Variants in DSTN observed in about 807,000 individuals in gnomAD.
DSTN encodes the protein destrin, actin depolymerizing factor.
DSTN carries 10 observed loss-of-function variants against 16.8 expected under a neutral mutation model. The ratio of observed to expected loss-of-function variants is 0.60; its 90% CI spans 0.37 to 1.01. The LOEUF is 1.01. Ranked by LOEUF, DSTN falls within the 50% of genes least tolerant of loss-of-function variation. DSTN has a pLI of 0.01. For synonymous variants in DSTN, 57 were observed against 58.9 expected, an observed-to-expected ratio of 0.97 and a Z score of 0.14; for missense variants, 141 against 196.7, an observed-to-expected ratio of 0.72 and a Z score of 1.69.
At chr20:17,593,336 A>G (rs1028933916) in intron 1 of DSTN, among the ~76,000 whole-genome samples, 3 of 152,198 alleles carry the variant, frequency 2.0e-5, no homozygotes, top group African/African-American at 7.2e-5. Context: ...TATCTTCTCC[A>G]TAAGTCAAAC....
intron 1 of DSTN, among the ~76,000 whole-genome samples, chr20:17,596,290 G>T (rs1246076122): frequency 6.6e-6 from 1 of 152,088 alleles, no homozygotes. Context: ...GCTGCTTAAT[G>T]TTGGTGACCC....
intron 1 of DSTN, among the ~76,000 whole-genome samples, chr20:17,590,838 G>C (rs2035461344): frequency 6.6e-6 from 1 of 152,208 alleles, no homozygotes; most frequent in South Asian, 2.1e-4. Flanking sequence ...TGGGCATGGT[G>C]GCTCACACCT....
At chr20:17,570,494 C>G (rs1051323676) in intron 1 of DSTN, among the ~76,000 whole-genome samples, 1 of 152,212 alleles carries the variant, frequency 6.6e-6, no homozygotes, top group African/African-American at 2.4e-5. Context: ...TGTCTCCAGA[C>G]CCGGCCTTGC....
chr20:17,604,024 T>G (rs2035614154), intron 2 of DSTN, among the ~76,000 whole-genome samples: 1 of 152,200 alleles, frequency 6.6e-6, no homozygotes, highest in Admixed American at 6.5e-5. Flanking sequence ...AGTTTTTGAT[T>G]TATTCTTTTT....
At chr20:17,587,368 G>C (rs1222531443) in intron 1 of DSTN, among the ~76,000 whole-genome samples, 1 of 152,158 alleles carries the variant, frequency 6.6e-6, no homozygotes, top group Non-Finnish European at 1.5e-5. Flanking sequence ...CTGGGCCCAA[G>C]TGATCCTCCC....
In DSTN at chr20:17,607,202, A is replaced by G; in HGVS notation, c.*56A>G. 6.5e-7 allele frequency: 1 copy of G among 1,535,658 alleles called. No individual in the cohort carries two copies. The highest frequency in any genetic ancestry group is 1.4e-5 in the African/African-American group (1 of 72,328). On this transcript the variant is annotated 3_prime_UTR_variant, in exon 4 of 4. Transcript: ENST00000246069. ...ATGTTTAATGTTATCCTCTTGCTAT[A>G]TAAATAAAGCAAATATATTTAGGCC...
chr20:17,581,460 G>A (rs1005793386), intron 1 of DSTN, among the ~76,000 whole-genome samples: 5 of 152,128 alleles, frequency 3.3e-5, no homozygotes, highest in African/African-American at 1.2e-4. Context: ...TCCAGCCTGA[G>A]TGACAAAGCG....
intron 2 of DSTN, among the ~76,000 whole-genome samples, chr20:17,601,649 G>A (rs775066611): frequency 2.0e-5 from 3 of 152,206 alleles, no homozygotes; most frequent in Non-Finnish European, 4.4e-5. Context: ...ACCTTATTGA[G>A]TAGCACAGAT....
Position 17,600,811 on chromosome 20 carries a change from C to A in DSTN, c.77C>A (p.Pro26Gln), listed in dbSNP as rs753726794. The A allele has an allele frequency of 6.2e-7, 1 of 1,613,650 alleles. No homozygotes were observed. Among genetic ancestry groups the A allele is most frequent in the Admixed American group, 1.7e-5 (1 of 59,978 alleles). ...ATGAAAGTTCGTAAATGCTCCACACCAGAAGAAATCAAGAAAAGAAAGAAG... is the reference window on the plus strand; with the variant it reads ...ATGAAAGTTCGTAAATGCTCCACACAAGAAGAAATCAAGAAAAGAAAGAAG... Reference protein sequence around the residue: ...YDMKVRKCSTPEEIKKRKKAV... With the variant: ...YDMKVRKCSTQEEIKKRKKAV... The change falls in exon 2 of 4, where the codon CCA becomes CAA. Residue 26 changes from proline (P) to glutamine (Q), a missense_variant. Transcript: ENST00000246069.
intron 1 of DSTN, chr20:17,596,914 A>G (rs1222146862): frequency 1.4e-6 from 1 of 691,684 alleles, no homozygotes; most frequent in African/African-American, 2.0e-5. Flanking sequence ...AGAATGTTTG[A>G]GATGCTTAGA....
chr20:17,589,704 A>G (rs918050767), intron 1 of DSTN, among the ~76,000 whole-genome samples: 1 of 152,164 alleles, frequency 6.6e-6, no homozygotes, highest in Non-Finnish European at 1.5e-5. Context: ...GCATGGTATA[A>G]ATAAAGTAGA....
chr20:17,582,332 G>A (rs960918375), intron 1 of DSTN, among the ~76,000 whole-genome samples: 1 of 152,128 alleles, frequency 6.6e-6, no homozygotes, highest in African/African-American at 2.4e-5. Context: ...GCCTGCCTCA[G>A]CCTCCCAAAG....
chr20:17,597,120 A>G (rs1489839771), intron 1 of DSTN, among the ~76,000 whole-genome samples: 2 of 152,150 alleles, frequency 1.3e-5, no homozygotes, highest in African/African-American at 4.8e-5. Flanking sequence ...CAAAATGGAG[A>G]TTCTTAACTT....
chr20:17,576,122 T>C (rs1380257653), intron 1 of DSTN: 11 of 152,248 alleles, frequency 7.2e-5, no homozygotes, highest in African/African-American at 2.4e-4. Context: ...CAAAATGTTA[T>C]ATTCATCATT....
chr20:17,587,310 A>G (rs1474030172), intron 1 of DSTN, among the ~76,000 whole-genome samples: 2 of 151,852 alleles, frequency 1.3e-5, no homozygotes, highest in African/African-American at 4.8e-5. Flanking sequence ...TCTGTTGCCC[A>G]GGCTGGAGTG....
chr20:17,582,238 C>T (rs1390327599), intron 1 of DSTN, among the ~76,000 whole-genome samples: 11 of 152,002 alleles, frequency 7.2e-5, no homozygotes, highest in Non-Finnish European at 1.0e-4. Context: ...GCCACCACGC[C>T]TCGCTAATTT....
At chr20:17,604,453 CTG>C in intron 2 of DSTN, 100 bp from the exon 3 acceptor site, 1 of 1,206,396 alleles carries the variant, frequency 8.3e-7, no homozygotes, top group Non-Finnish European at 1.2e-6. Context: ...TCAGGAGAGT[CTG>C]AGGATTCTCA....
intron 1 of DSTN, among the ~76,000 whole-genome samples, chr20:17,592,441 A>T (rs545428824): frequency 6.6e-6 from 1 of 152,100 alleles, no homozygotes; most frequent in African/African-American, 2.4e-5. Flanking sequence ...AAAAAAAAAA[A>T]AAAAAAATCT....
intron 1 of DSTN, among the ~76,000 whole-genome samples, chr20:17,579,354 C>T (rs144137183): frequency 7.9e-5 from 12 of 152,194 alleles, no homozygotes; most frequent in East Asian, 7.7e-4. Flanking sequence ...GCAGGCAGAT[C>T]GCTTGAGCTT....
Sources: allele counts gnomAD v4.1 joint callset (sites outside exome capture counted in the v4.1 genomes callset), GRCh38; gene constraint gnomAD v4.1.1; transcripts MANE v1.5; gene names NCBI Gene and HGNC (gene_info 2026-07-23, HGNC 2026-07-21).